The following AKT3 variants were observed in gnomAD, a reference collection of about 807,000 sequenced individuals.
AKT3 encodes the protein AKT serine/threonine kinase 3.
A neutral mutation model predicts 65.3 loss-of-function variants in AKT3; 15 were observed. The ratio of observed to expected loss-of-function variants is 0.23; its 90% CI spans 0.15 to 0.35. AKT3 has a LOEUF of 0.35. Ranked by LOEUF, AKT3 falls within the 10% of genes least tolerant of loss-of-function variation. The probability of loss-of-function intolerance (pLI) is 1.00; values close to 1 mark genes in which losing one functional copy is unlikely to be tolerated. For missense variants in AKT3, 243 were observed against 576.5 expected (o/e 0.42, Z 5.92); for synonymous variants, 206 against 183.8 (o/e 1.12, Z -0.98).
At chr1:243,780,554 T>C (rs1690842430) in intron 2 of AKT3, among the ~76,000 whole-genome samples, 2 of 151,328 alleles carry the variant, frequency 1.3e-5, no homozygotes, top group Admixed American at 6.6e-5. Context: ...AACATAAATA[T>C]ATTTAAGTAT....
chr1:243,653,480 T>C (rs1338783029), intron 4 of AKT3, among the ~76,000 whole-genome samples: 1 of 152,212 alleles, frequency 6.6e-6, no homozygotes, highest in African/African-American at 2.4e-5. Flanking sequence ...GAGGGAATCC[T>C]CCCTAACTCA....
downstream of AKT3, chr1:243,499,610 T>C (rs1156394957): frequency 1.4e-6 from 1 of 718,070 alleles, no homozygotes; most frequent in African/African-American, 1.8e-5. Context: ...GCACAAACTT[T>C]TCATATAATT....
At chr1:243,555,977 A>G (rs144923536) in intron 10 of AKT3, among the ~76,000 whole-genome samples, 150 of 152,296 alleles carry the variant, frequency 9.8e-4, no homozygotes, top group African/African-American at 3.4e-3. Context: ...CCTACCTTTA[A>G]CACAAATGCC....
chr1:243,779,367 G>A (rs934775116), intron 2 of AKT3, among the ~76,000 whole-genome samples: 1 of 146,994 alleles, frequency 6.8e-6, no homozygotes, highest in East Asian at 2.0e-4. Context: ...CCTGAGCAGT[G>A]ACAATGCCTG....
intron 8 of AKT3, chr1:243,612,549 C>A (rs1057466266): frequency 3.2e-5 from 5 of 154,118 alleles, no homozygotes; most frequent in Admixed American, 2.6e-4. Context: ...ACAAACAAGA[C>A]CCTATTTAAT....
chr1:243,769,326 C>T (rs1008588464), intron 2 of AKT3, among the ~76,000 whole-genome samples: 2 of 152,098 alleles, frequency 1.3e-5, no homozygotes, highest in African/African-American at 4.8e-5. Context: ...TAGAAATACA[C>T]CCAGGTGTAG....
intron 6 of AKT3, among the ~76,000 whole-genome samples, chr1:243,617,864 C>T (rs1427935760): frequency 3.3e-5 from 5 of 152,078 alleles, no homozygotes; most frequent in South Asian, 2.1e-4. Context: ...GTTAACAGTG[C>T]TAATATAAAA....
rs531641861 is a variant in AKT3, at chr1:243,563,975, C to T, written c.820-127G>A. The T allele has an allele frequency of 4.8e-5, 37 of 770,966 alleles. No individual in the cohort carries two copies. In the South Asian group the frequency reaches 7.3e-4, roughly 15 times the overall value. The allele number at this position is 770,966 out of a possible 1,614,324, so 47.8% of individuals were successfully genotyped here. On this transcript the variant is annotated intron_variant, in intron 9 of 13. Transcript: ENST00000673466. ...CAGGACATAGTTGTAGCTAATAGAA[C>T]GCTCAGTACTTACAAACTCTGTTGC...
At chr1:243,813,132 C>A (rs1411758581) in intron 2 of AKT3, among the ~76,000 whole-genome samples, 5 of 151,824 alleles carry the variant, frequency 3.3e-5, no homozygotes, top group South Asian at 2.1e-4. Context: ...ACATATGTAA[C>A]AAACCTGCAC....
At chr1:243,576,130 A>G (rs1485986804) in intron 8 of AKT3, among the ~76,000 whole-genome samples, 1 of 152,210 alleles carries the variant, frequency 6.6e-6, no homozygotes, top group Non-Finnish European at 1.5e-5. Context: ...ACTAAACACA[A>G]AAACCACGTG....
rs1338333701 is a variant in AKT3, at chr1:243,540,814, A to C, written c.1251+4696T>G. On this transcript the variant is annotated intron_variant, in intron 12 of 13. Transcript: ENST00000673466. ...GCCTATCATGAGGCTAACACTTTTA[A>C]AGTTATCAGGCCAGGTATTTCGAGG... Among the ~76,000 whole-genome samples the C allele has an allele frequency of 6.6e-5, 10 of 152,162 alleles. 1 individual carries two copies. The highest frequency in any genetic ancestry group is 5.9e-4 in the Admixed American group (9 of 15,270).
intron 8 of AKT3, among the ~76,000 whole-genome samples, chr1:243,595,401 T>C (rs1676532379): frequency 6.6e-6 from 1 of 152,224 alleles, no homozygotes; most frequent in African/African-American, 2.4e-5. Context: ...TACTGTAGAC[T>C]ATGAACACTG....
At chr1:243,596,872 A>C (rs1423947125) in intron 8 of AKT3, among the ~76,000 whole-genome samples, 1 of 152,208 alleles carries the variant, frequency 6.6e-6, no homozygotes, top group Non-Finnish European at 1.5e-5. Context: ...AAAAGAAATA[A>C]ATGACTGAGA....
chr1:243,573,163 C>T (rs1674686359), intron 8 of AKT3, 115 bp from the exon 9 acceptor site: 1 of 1,222,778 alleles, frequency 8.2e-7, no homozygotes, highest in African/African-American at 1.5e-5. Context: ...AGTGTACTCT[C>T]AGTGGACACT....
At chr1:243,560,864 C>T (rs1236983074) in intron 10 of AKT3, among the ~76,000 whole-genome samples, 2 of 152,012 alleles carry the variant, frequency 1.3e-5, no homozygotes, top group African/African-American at 4.8e-5. Context: ...ATAATTTACC[C>T]TAATTGTGAC....
At chr1:243,797,422 A>T (rs1023328954) in intron 2 of AKT3, among the ~76,000 whole-genome samples, 3 of 152,186 alleles carry the variant, frequency 2.0e-5, no homozygotes, top group African/African-American at 7.2e-5. Context: ...TAAATATATA[A>T]TAGGAAGACA....
chr1:243,540,928 C>T (rs920531907), intron 12 of AKT3, among the ~76,000 whole-genome samples: 5 of 152,208 alleles, frequency 3.3e-5, no homozygotes, highest in Middle Eastern at 3.4e-3. Context: ...AGTACTGTGC[C>T]CTTCTCAGAG....
intron 1 of AKT3, among the ~76,000 whole-genome samples, chr1:243,846,895 G>C (rs747401519): frequency 5.9e-5 from 9 of 152,160 alleles, no homozygotes; most frequent in Non-Finnish European, 1.0e-4. Context: ...GTGTAGCAGG[G>C]GTTGTTTGAA....
At chr1:243,505,749 T>C (rs928524947) in intron 13 of AKT3, among the ~76,000 whole-genome samples, 1 of 152,258 alleles carries the variant, frequency 6.6e-6, no homozygotes, top group Admixed American at 6.5e-5. Context: ...CAAGTGCTTA[T>C]ATTTTTTCTT....
Sources: allele counts gnomAD v4.1 joint callset (sites outside exome capture counted in the v4.1 genomes callset), GRCh38; gene constraint gnomAD v4.1.1; transcripts MANE v1.5; gene names NCBI Gene and HGNC (gene_info 2026-07-23, HGNC 2026-07-21).